Variants in DNASE1 observed in about 807,000 individuals in gnomAD.
DNASE1 encodes the protein deoxyribonuclease-1.
DNASE1 carries 40 observed loss-of-function variants against 33.9 expected under a neutral mutation model. That is an observed-to-expected ratio of 1.18 (90% CI 0.92 to 1.54). The LOEUF (loss-of-function observed/expected upper bound fraction) is 1.54, where lower values mean the gene tolerates loss of function less well. Among genes scored for constraint, DNASE1 ranks in the 40% most tolerant of loss-of-function variants. The probability of loss-of-function intolerance (pLI) is 0.00; values close to 1 mark genes in which losing one functional copy is unlikely to be tolerated. For missense variants in DNASE1, 518 were observed against 372.6 expected (o/e 1.39, Z -3.21); for synonymous variants, 216 against 160.0 (o/e 1.35, Z -2.64).
intron 1 of DNASE1, among the ~76,000 whole-genome samples, chr16:3,625,940 C>G (rs1444344560): frequency 6.6e-6 from 1 of 152,048 alleles, no homozygotes; most frequent in Non-Finnish European, 1.5e-5. Flanking sequence ...TCTGAACAAA[C>G]AATTTAAAAA....
At chr16:3,620,595 A>G (rs1453642261) in intron 1 of DNASE1, among the ~76,000 whole-genome samples, 1 of 152,072 alleles carries the variant, frequency 6.6e-6, no homozygotes, top group Non-Finnish European at 1.5e-5. Flanking sequence ...AGGAAGCCAT[A>G]TTATATTCCA....
chr16:3,616,533 A>G (rs531221246), intron 1 of DNASE1, among the ~76,000 whole-genome samples: 17 of 126,920 alleles, frequency 1.3e-4, no homozygotes, highest in Non-Finnish European at 2.4e-4. Flanking sequence ...AGGCGGGAGA[A>G]TCCCTTGAAC....
chr16:3,662,935 C>T, downstream of DNASE1: 3 of 1,612,708 alleles, frequency 1.9e-6, no homozygotes, highest in Non-Finnish European at 2.5e-6. Flanking sequence ...GCCATGAGCT[C>T]CTCCGTCTCC....
At chr16:3,616,191 A>T (rs559138269) in intron 1 of DNASE1, among the ~76,000 whole-genome samples, 1 of 152,186 alleles carries the variant, frequency 6.6e-6, no homozygotes, top group Admixed American at 6.5e-5. Context: ...ATTTTGCTCT[A>T]TATGTTCTGC....
intron 1 of DNASE1, among the ~76,000 whole-genome samples, chr16:3,634,088 G>A (rs182539811): frequency 2.0e-4 from 31 of 151,968 alleles, no homozygotes; most frequent in African/African-American, 6.8e-4. Flanking sequence ...GGGATTACAG[G>A]CGTGAACCAC....
intron 1 of DNASE1, among the ~76,000 whole-genome samples, chr16:3,632,068 C>T (rs1287090423): frequency 1.3e-5 from 2 of 152,130 alleles, no homozygotes; most frequent in Non-Finnish European, 2.9e-5. Flanking sequence ...TACTGTGTGT[C>T]CCAAAACATA....
chr16:3,654,627 G>A (rs531020601), upstream of DNASE1: 1 of 398,894 alleles, frequency 2.5e-6, no homozygotes, highest in Admixed American at 4.4e-5. Context: ...AAGGGACACG[G>A]GATAGGAACC....
upstream of DNASE1, chr16:3,653,841 A>AAAAAG (rs781310896): frequency 1.0e-4 from 13 of 125,056 alleles, no homozygotes; most frequent in Non-Finnish European, 1.2e-4. Flanking sequence ...AAAAAAAAAA[A>AAAAAG]CTGAGCATGG....
intron 1 of DNASE1, among the ~76,000 whole-genome samples, chr16:3,626,266 C>G (rs1176405427): frequency 6.6e-6 from 1 of 151,140 alleles, no homozygotes; most frequent in African/African-American, 2.4e-5. Context: ...AAGAAGTGTT[C>G]AACTTATTTA....
chr16:3,617,114 G>T (rs1396393218), intron 1 of DNASE1, among the ~76,000 whole-genome samples: 4 of 151,906 alleles, frequency 2.6e-5, no homozygotes, highest in Non-Finnish European at 5.9e-5. Flanking sequence ...ATCACCAGAG[G>T]TCAGGAGTTT....
chr16:3,612,297 C>T (rs1299559186), intron 1 of DNASE1, among the ~76,000 whole-genome samples: 1 of 152,134 alleles, frequency 6.6e-6, no homozygotes, highest in Non-Finnish European at 1.5e-5. Flanking sequence ...GTTGCCCAGG[C>T]TGGGGTGCAG....
chr16:3,616,618 C>G (rs1261546421), intron 1 of DNASE1, among the ~76,000 whole-genome samples: 2 of 152,110 alleles, frequency 1.3e-5, no homozygotes, highest in African/African-American at 4.8e-5. Flanking sequence ...GAGACTGTGT[C>G]TCAAATAAAT....
chr16:3,649,696 A>G (rs1567202420), upstream of DNASE1, among the ~76,000 whole-genome samples: 1 of 152,212 alleles, frequency 6.6e-6, no homozygotes, highest in Non-Finnish European at 1.5e-5. Context: ...GCCAAAAGAA[A>G]TCCCTGATAG....
At chr16:3,621,905 G>C (rs1430150818) in intron 1 of DNASE1, among the ~76,000 whole-genome samples, 1 of 152,140 alleles carries the variant, frequency 6.6e-6, no homozygotes. Flanking sequence ...GTGTTTTGGG[G>C]TGTTACCCAG....
downstream of DNASE1, chr16:3,658,104 G>A (rs183677967): frequency 6.8e-6 from 11 of 1,612,484 alleles, no homozygotes; most frequent in African/African-American, 1.3e-4. Context: ...CATCTGTGGT[G>A]TCAGTCCTTC....
At chr16:3,614,642 TTAGA>T in intron 1 of DNASE1, among the ~76,000 whole-genome samples, 1 of 151,920 alleles carries the variant, frequency 6.6e-6, no homozygotes, top group Non-Finnish European at 1.5e-5. Flanking sequence ...TGTGTGAGAG[TTAGA>T]TAAAGGGGGG....
intron 1 of DNASE1, among the ~76,000 whole-genome samples, chr16:3,617,637 C>T (rs2041156866): frequency 6.6e-6 from 1 of 152,118 alleles, no homozygotes; most frequent in African/African-American, 2.4e-5. Flanking sequence ...GGGATTAGTG[C>T]ATAAGGATAA....
chr16:3,663,400 G>T (rs372308841), exon 10 of DNASE1: 1 of 1,613,740 alleles, frequency 6.2e-7, no homozygotes, highest in Non-Finnish European at 8.5e-7. Flanking sequence ...CCAGCCCCAC[G>T]CCTAGAGAGC....
At chr16:3,625,975 C>T (rs1311851292) in intron 1 of DNASE1, among the ~76,000 whole-genome samples, 1 of 152,104 alleles carries the variant, frequency 6.6e-6, no homozygotes, top group Non-Finnish European at 1.5e-5. Context: ...GGGCATGCGC[C>T]TGTAGTCCCA....
Sources: allele counts gnomAD v4.1 joint callset (sites outside exome capture counted in the v4.1 genomes callset), GRCh38; gene constraint gnomAD v4.1.1; transcripts MANE v1.5; gene names NCBI Gene and HGNC (gene_info 2026-07-23, HGNC 2026-07-21).